Variants in ARSL observed in about 807,000 individuals in gnomAD.
The protein encoded by ARSL is arylsulfatase L.
Under a neutral mutation model 31.1 loss-of-function variants are expected in ARSL, and 4 were observed. The ratio of observed to expected loss-of-function variants is 0.13; its 90% confidence interval spans 0.06 to 0.29. The LOEUF (loss-of-function observed/expected upper bound fraction) is 0.29, where lower values mean the gene tolerates loss of function less well. Ranked by LOEUF, ARSL falls within the 10% of genes least tolerant of loss-of-function variation. The pLI, the probability that ARSL is intolerant of heterozygous loss-of-function variation, is 1.00. For missense variants in ARSL, 312 were observed against 497.8 expected, an observed-to-expected ratio of 0.63 and a Z score of 3.55; for synonymous variants, 198 against 209.9, an observed-to-expected ratio of 0.94 and a Z score of 0.49.
chrX:2,961,468 G>C (rs1356798374), intron 1 of ARSL, among the ~76,000 whole-genome samples: 2 of 111,562 alleles, frequency 1.8e-5, no homozygotes, highest in Non-Finnish European at 3.8e-5. Flanking sequence ...ATTCTCATCA[G>C]AAGGGTTTCA....
upstream of ARSL, among the ~76,000 whole-genome samples, chrX:2,967,257 T>C (rs960253354): frequency 8.9e-6 from 1 of 111,890 alleles, no homozygotes; most frequent in African/African-American, 3.2e-5. Context: ...AGATATCAAG[T>C]CTGTGGCCTA....
At chrX:2,962,947 T>C (rs1396995157) in intron 1 of ARSL, among the ~76,000 whole-genome samples, 1 of 111,818 alleles carries the variant, frequency 8.9e-6, no homozygotes, top group Non-Finnish European at 1.9e-5. Context: ...CTGCTTACAG[T>C]CTTCCTGCCT....
chrX:2,934,988 C>T lies in ARSL; in HGVS notation c.1614G>A (p.Met538Ile). The part of the protein sequence containing the change: ...PASEPVFYQV[M>I]ERVQQAVWEH... ...CCCACACCGCCTGCTGGACTCGTTC[C>T]ATCACCTGATAGAACACGGGCTCTG... Residue 538 changes from methionine (M) to isoleucine (I), a missense_variant, in exon 11 of 11, where the codon ATG (methionine) becomes ATA (isoleucine). Met to Ile is a conservative substitution (Grantham distance 10). Transcript: ENST00000381134. The T allele has an allele frequency of 8.3e-7, 1 of 1,211,383 alleles. No homozygotes were observed. Among genetic ancestry groups the T allele is most frequent in the African/African-American group, 1.7e-5 (1 of 57,769 alleles).
At chrX:2,940,156 C>T (rs2089262419) in intron 8 of ARSL, among the ~76,000 whole-genome samples, 1 of 110,229 alleles carries the variant, frequency 9.1e-6, no homozygotes, top group African/African-American at 3.3e-5. Context: ...GTGAGAGCCA[C>T]TGCGCCTGGC....
At chrX:2,948,023 G>A (rs2089408508) in intron 6 of ARSL, among the ~76,000 whole-genome samples, 1 of 112,713 alleles carries the variant, frequency 8.9e-6, no homozygotes, top group South Asian at 3.6e-4. Flanking sequence ...TTGGGAGGCT[G>A]AGGTACAGGA....
intron 2 of ARSL, among the ~76,000 whole-genome samples, chrX:2,959,049 C>T (rs777485233): frequency 1.3e-4 from 15 of 112,052 alleles, no homozygotes; most frequent in Admixed American, 1.3e-3. Flanking sequence ...TTGGATGGAT[C>T]GGGTCCCCAG....
rs183308619 is a variant in ARSL at position 2,946,827 on chromosome X, A to C, written c.855-693T>G. Among the ~76,000 whole-genome samples, 8 of 110,342 alleles carry C rather than the reference A, an allele frequency of 7.3e-5. 1 individual carries two copies. The East Asian group carries it at 2.3e-3, about 32-fold the overall frequency. ...TGGGATCACAGGCATGCACCACAACACACGTCTTGTTTAAGACTCTTTAAC... is the reference window on the plus strand; with the variant it reads ...TGGGATCACAGGCATGCACCACAACCCACGTCTTGTTTAAGACTCTTTAAC... On this transcript the variant is annotated intron_variant, in intron 6 of 10. Transcript: ENST00000381134.
rs752194853 is a variant in ARSL, at chrX:2,960,217, C to T, written c.23+161G>A. On this transcript the variant is annotated intron_variant, in intron 2 of 10. Transcript: ENST00000381134. The stretch of plus-strand genomic sequence containing the variant: ...CCGGGAGGCGGAGCTTGCAGTGAGC[C>T]GAGATCGCGCCACTGCACTCCAGCC... Among the ~76,000 whole-genome samples, 8 of 66,848 alleles carry T rather than the reference C, an allele frequency of 1.2e-4. 1 individual carries two copies. Among genetic ancestry groups the T allele is most frequent in the Non-Finnish European group, 1.7e-4 (6 of 36,176 alleles). 58.0% of individuals were successfully genotyped at this position (66,848 alleles called of 115,157 possible).
intron 8 of ARSL, among the ~76,000 whole-genome samples, chrX:2,942,143 G>A (rs1226868543): frequency 9.0e-6 from 1 of 111,569 alleles, no homozygotes; most frequent in Non-Finnish European, 1.9e-5. Context: ...AGATAACCAA[G>A]GAATTCTTAG....
chrX:2,944,660 T>A (rs1231157710), intron 7 of ARSL, among the ~76,000 whole-genome samples: 2 of 109,030 alleles, frequency 1.8e-5, no homozygotes, highest in Non-Finnish European at 3.8e-5. Context: ...ACCTAAACCC[T>A]GCGGTTCCTA....
chrX:2,952,331 C>CTTTCTT (rs769675811), intron 5 of ARSL, among the ~76,000 whole-genome samples: 17 of 111,203 alleles, frequency 1.5e-4, no homozygotes, highest in Admixed American at 3.9e-4. Flanking sequence ...CCTTTTCTTT[C>CTTTCTT]TTTCTTTTTC....
At chrX:2,956,653 G>C (rs1393561593) in intron 3 of ARSL, among the ~76,000 whole-genome samples, 1 of 109,158 alleles carries the variant, frequency 9.2e-6, no homozygotes, top group Non-Finnish European at 1.9e-5. Context: ...GTAGAGACGG[G>C]GGTTTCACCA....
chrX:2,960,064 TC>T (rs1284803856), intron 2 of ARSL, among the ~76,000 whole-genome samples: 4 of 102,215 alleles, frequency 3.9e-5, no homozygotes, highest in Non-Finnish European at 8.0e-5. Flanking sequence ...GGTCAGGAGA[TC>T]GAGACCATCC....
chrX:2,956,500 A>G (rs1323342771), intron 3 of ARSL, among the ~76,000 whole-genome samples: 1 of 111,505 alleles, frequency 9.0e-6, no homozygotes, highest in Non-Finnish European at 1.9e-5. Flanking sequence ...TCACTCTGTC[A>G]CCCAGGCTGG....
At chrX:2,964,823 G>A (rs2089684300), upstream of ARSL, among the ~76,000 whole-genome samples, 1 of 111,669 alleles carries the variant, frequency 9.0e-6, no homozygotes, top group Admixed American at 9.6e-5. Context: ...AAAAATATTA[G>A]GCTGGGCAGT....
upstream of ARSL, among the ~76,000 whole-genome samples, chrX:2,965,249 C>G (rs368996396): frequency 3.0e-4 from 33 of 111,713 alleles, 6 homozygotes; most frequent in South Asian, 1.5e-3. Context: ...GCCTGTAATT[C>G]CAGCACTTTG....
Position 2,949,317 on chromosome X carries a change from A to C in ARSL, c.841T>G (p.Ser281Ala). 8.3e-7 allele frequency: 1 copy of C among 1,211,433 alleles called. No homozygotes were observed. Among genetic ancestry groups the C allele is most frequent in the South Asian group, 1.8e-5 (1 of 56,970 alleles). The change falls in exon 6 of 11, where the codon TCC becomes GCC. Residue 281 changes from serine (S) to alanine (A), a missense_variant. Coordinates refer to ENST00000381134, the MANE Select transcript of ARSL (RefSeq NM_000047.3). Reference protein sequence around the residue: ...TTPLILQEVASFLKRNKHGPF... With the variant: ...TTPLILQEVAAFLKRNKHGPF... ...TTTTCTGCTGACCTTTTGAGAAAGG[A>C]CGCAACCTCCTGCAGAATAAGGGGT...
rs2089170819 is a variant in ARSL at position 2,934,571 on chromosome X, G to A, written c.*261C>T. The A allele has an allele frequency of 2.9e-6, 1 of 345,269 alleles. No individual in the cohort carries two copies. Among genetic ancestry groups the A allele is most frequent in the Non-Finnish European group, 5.0e-6 (1 of 198,551 alleles). The allele number at this position is 345,269 out of a possible 1,213,427, so 28.5% of individuals were successfully genotyped here. A position where few individuals can be genotyped will look rare whatever the true frequency, so the allele number is the denominator to read the frequency against. ...GCTCAGTACAGCCTCCAACTCCGGT[G>A]CTCAAATGATCCTCCTGCCTTAGCC... On this transcript the variant is annotated 3_prime_UTR_variant, in exon 11 of 11. Coordinates refer to ENST00000381134, the MANE Select transcript of ARSL (RefSeq NM_000047.3).
chrX:2,948,120 C>CA (rs368016692), intron 6 of ARSL, among the ~76,000 whole-genome samples: 1,876 of 97,816 alleles, frequency 0.019, 46 homozygotes, highest in African/African-American at 0.064. Flanking sequence ...GACTCTGTCT[C>CA]AAAAAAAAAA....
Sources: allele counts gnomAD v4.1 joint callset (sites outside exome capture counted in the v4.1 genomes callset), GRCh38; gene constraint gnomAD v4.1.1; transcripts MANE v1.5; gene names NCBI Gene and HGNC (gene_info 2026-07-23, HGNC 2026-07-21).